Variants in PDLIM1 observed in about 807,000 individuals in gnomAD.
The protein encoded by PDLIM1 is PDZ and LIM domain 1.
In PDLIM1, 25 loss-of-function variants were observed where a neutral mutation model predicts 35.2. The ratio of observed to expected loss-of-function variants is 0.71; its 90% confidence interval spans 0.52 to 0.99. The LOEUF (loss-of-function observed/expected upper bound fraction) is 0.99. Among genes scored for constraint, PDLIM1 ranks in the 50% least tolerant of loss-of-function variants. The pLI is 0.00. For synonymous variants in PDLIM1, 152 were observed against 154.0 expected, an observed-to-expected ratio of 0.99 and a Z score of 0.10; for missense variants, 363 against 415.3, an observed-to-expected ratio of 0.87 and a Z score of 1.09.
chr10:95,255,680 C>G (rs2035305442), intron 4 of PDLIM1, among the ~76,000 whole-genome samples: 1 of 152,138 alleles, frequency 6.6e-6, no homozygotes, highest in Non-Finnish European at 1.5e-5. Context: ...ACCTCTCACT[C>G]AAAATGAAAA....
At chr10:95,277,497 A>G (rs45448291) in intron 1 of PDLIM1, among the ~76,000 whole-genome samples, 3,565 of 152,024 alleles carry the variant, frequency 0.023, 135 homozygotes, top group African/African-American at 0.077. Context: ...AAAATTAGCC[A>G]GCTGTGGTGA....
At chr10:95,243,758 G>A (rs11596737) in intron 5 of PDLIM1, among the ~76,000 whole-genome samples, 50,090 of 151,880 alleles carry the variant, frequency 0.33, 9,027 homozygotes, top group South Asian at 0.42. Flanking sequence ...CACAAACAAC[G>A]GAATAATACT....
chr10:95,288,653 C>T (rs1413057291), intron 1 of PDLIM1, among the ~76,000 whole-genome samples: 1 of 152,152 alleles, frequency 6.6e-6, no homozygotes, highest in Non-Finnish European at 1.5e-5. Flanking sequence ...ATGGCCACAC[C>T]AGGGTCCCTT....
At chr10:95,256,601 A>C (rs547165878) in intron 4 of PDLIM1, among the ~76,000 whole-genome samples, 1 of 152,196 alleles carries the variant, frequency 6.6e-6, no homozygotes, top group Non-Finnish European at 1.5e-5. Context: ...TTAAAGAATA[A>C]TTTCTTCAAT....
chr10:95,245,558 A>G (rs1427717569), intron 5 of PDLIM1, among the ~76,000 whole-genome samples: 1 of 152,292 alleles, frequency 6.6e-6, no homozygotes, highest in East Asian at 1.9e-4. Flanking sequence ...TAAGAGTGAA[A>G]TAAGTTGTGG....
chr10:95,271,856 T>C, intron 1 of PDLIM1, 72 bp from the exon 2 acceptor site: 3 of 1,422,206 alleles, frequency 2.1e-6, no homozygotes, highest in South Asian at 1.2e-5. Flanking sequence ...AAGTTAAGTA[T>C]TCACTGATAT....
intron 1 of PDLIM1, among the ~76,000 whole-genome samples, chr10:95,288,460 G>A (rs982744520): frequency 6.6e-6 from 1 of 152,110 alleles, no homozygotes; most frequent in African/African-American, 2.4e-5. Context: ...ACAGCTCTTT[G>A]TCAGTGCTCA....
intron 2 of PDLIM1, among the ~76,000 whole-genome samples, chr10:95,269,252 G>C (rs897636875): frequency 2.0e-5 from 3 of 152,192 alleles, no homozygotes; most frequent in African/African-American, 7.2e-5. Context: ...CAACTTATTT[G>C]TGAAGCCTGT....
chr10:95,289,696 C>A lies in PDLIM1; in HGVS notation c.96+1124G>T, dbSNP rs78363919. ...CCTTTCTTCTCCACCCTTCCCCCAA[C>A]CCCAAGTGAAAAAGAAGGATGTTTA... On this transcript the variant is annotated intron_variant, in intron 1 of 6. Transcript: ENST00000329399. 5.1e-3 allele frequency among the ~76,000 whole-genome samples: 776 copies of A among 152,316 alleles called. 8 individuals are homozygous for A. In the East Asian group the frequency reaches 0.072, roughly 14 times the overall value.
At chr10:95,256,990 G>GAAAAGA (rs372697818) in intron 4 of PDLIM1, among the ~76,000 whole-genome samples, 2 of 90,512 alleles carry the variant, frequency 2.2e-5, no homozygotes, top group African/African-American at 3.5e-5. Context: ...AAAAAAAAAA[G>GAAAAGA]AAAGAAAGAA....
intron 1 of PDLIM1, among the ~76,000 whole-genome samples, chr10:95,287,631 G>C (rs1032754914): frequency 6.6e-6 from 1 of 152,014 alleles, no homozygotes; most frequent in Non-Finnish European, 1.5e-5. Context: ...TCCCTTGAAA[G>C]TAACTAGAGG....
intron 4 of PDLIM1, among the ~76,000 whole-genome samples, chr10:95,256,985 AAAAAGAAAGAAAGAAAGAAAG>A (rs796277251): frequency 0.088 from 10,456 of 119,252 alleles, 705 homozygotes; most frequent in Middle Eastern, 0.15. Flanking sequence ...AAAAAAAAAA[AAAAAGAAAGAAAGAAAGAAAG>A]AAAGAAAGAA....
chr10:95,271,796 G>C lies in PDLIM1; in HGVS notation c.97-12C>G. ...CTTCCAGGAGTGACCTAGAAAAAAA[G>C]GGGAAAGCAGGCTAGTTACTATTTG... On this transcript the variant is annotated splice_polypyrimidine_tract_variant and intron_variant, in intron 1 of 6. Transcript: ENST00000329399. The C allele has an allele frequency of 1.2e-6, 2 of 1,604,706 alleles. No individual in the cohort carries two copies. Among genetic ancestry groups the C allele is most frequent in the Non-Finnish European group, 1.7e-6 (2 of 1,174,452 alleles).
At chr10:95,253,971 A>G (rs2035289008) in intron 4 of PDLIM1, among the ~76,000 whole-genome samples, 1 of 152,228 alleles carries the variant, frequency 6.6e-6, no homozygotes, top group African/African-American at 2.4e-5. Flanking sequence ...ATAACTACTG[A>G]AAAGGTTATA....
rs2035326780 is a variant in PDLIM1 at position 95,257,458 on chromosome 10, ACAACT to A, written c.533+6401_533+6405del. ...CCAGAATATATAAAAAAAAACTCCT[ACAACT>A]CAACAAAAAACAAATAGCTCGATTA... On this transcript the variant is annotated intron_variant, in intron 4 of 6. Transcript: ENST00000329399. 4.0e-5 allele frequency among the ~76,000 whole-genome samples: 6 copies of A among 151,348 alleles called. No homozygotes were observed. The East Asian group carries it at 1.2e-3, about 31-fold the overall frequency.
intron 1 of PDLIM1, among the ~76,000 whole-genome samples, chr10:95,275,083 G>A (rs1309937326): frequency 6.6e-6 from 1 of 152,068 alleles, no homozygotes; most frequent in African/African-American, 2.4e-5. Flanking sequence ...CACCCCTATT[G>A]TAGAACCTAA....
chr10:95,242,143 C>A (rs2035183845), intron 5 of PDLIM1, among the ~76,000 whole-genome samples: 1 of 152,086 alleles, frequency 6.6e-6, no homozygotes, highest in Non-Finnish European at 1.5e-5. Context: ...GTGAGCTCTA[C>A]AGATGGGCTT....
chr10:95,277,353 C>T (rs2035521506), intron 1 of PDLIM1, among the ~76,000 whole-genome samples: 2 of 152,074 alleles, frequency 1.3e-5, no homozygotes, highest in South Asian at 2.1e-4. Flanking sequence ...GGCACAGTAG[C>T]TCATGCCTGT....
chr10:95,256,974 TAAAA>T (rs1186043233), intron 4 of PDLIM1, among the ~76,000 whole-genome samples: 12 of 17,344 alleles, frequency 6.9e-4, no homozygotes, highest in South Asian at 2.3e-3. Flanking sequence ...GACTTCATCT[TAAAA>T]AAAAAAAAAA....
Sources: allele counts gnomAD v4.1 joint callset (sites outside exome capture counted in the v4.1 genomes callset), GRCh38; gene constraint gnomAD v4.1.1; transcripts MANE v1.5; gene names NCBI Gene and HGNC (gene_info 2026-07-23, HGNC 2026-07-21).